The following DPP6 variants were observed in gnomAD, a reference collection of about 807,000 sequenced individuals.
DPP6 encodes dipeptidyl peptidase like 6, also known as A-type potassium channel modulatory protein DPP6.
A neutral mutation model predicts 122.6 loss-of-function variants in DPP6; 69 were observed. The observed-to-expected ratio is 0.56, with a 90% confidence interval of 0.46 to 0.69. DPP6 has a LOEUF of 0.69. Among genes scored for constraint, DPP6 ranks in the 30% least tolerant of loss-of-function variants. The pLI is 0.00. For synonymous variants in DPP6, 418 were observed against 433.1 expected (o/e 0.97, Z 0.43); for missense variants, 928 against 1,116.9 (o/e 0.83, Z 2.41).
At chr7:153,951,709 C>G (rs182055784) in intron 1 of DPP6, among the ~76,000 whole-genome samples, 4 of 152,232 alleles carry the variant, frequency 2.6e-5, no homozygotes, top group African/African-American at 7.2e-5. Flanking sequence ...GAAGTTTTCC[C>G]TTGCTTTCTT....
chr7:153,851,526 C>T, the DPP6 span, among the ~76,000 whole-genome samples: 1 of 152,084 alleles, frequency 6.6e-6, no homozygotes, highest in Non-Finnish European at 1.5e-5. Flanking sequence ...TGTACTTAAT[C>T]GGATATTTTT....
At chr7:153,914,706 C>G (rs1350087944) in intron 1 of DPP6, among the ~76,000 whole-genome samples, 1 of 152,140 alleles carries the variant, frequency 6.6e-6, no homozygotes, top group African/African-American at 2.4e-5. Context: ...GTAACTGATT[C>G]CTCTTCTTTA....
chr7:153,942,515 T>C (rs1474116935), intron 1 of DPP6, among the ~76,000 whole-genome samples: 1 of 152,152 alleles, frequency 6.6e-6, no homozygotes, highest in African/African-American at 2.4e-5. Context: ...AGGAGCTTCC[T>C]GAGGTGGAGA....
chr7:154,051,699 T>G (rs1410823090), upstream of DPP6, among the ~76,000 whole-genome samples: 4 of 149,558 alleles, frequency 2.7e-5, no homozygotes, highest in African/African-American at 5.0e-5. Flanking sequence ...GAGAATGGAG[T>G]CGCGGTCACA....
intron 7 of DPP6, among the ~76,000 whole-genome samples, chr7:154,696,291 G>A (rs982459817): frequency 6.6e-6 from 1 of 152,204 alleles, no homozygotes; most frequent in Non-Finnish European, 1.5e-5. Flanking sequence ...CTGGGGTGAT[G>A]AGGATTGAGG....
intron 16 of DPP6, among the ~76,000 whole-genome samples, chr7:154,841,070 G>T (rs967184109): frequency 6.6e-6 from 1 of 152,162 alleles, no homozygotes; most frequent in Non-Finnish European, 1.5e-5. Context: ...GAACTTAATT[G>T]CTCGGATCGA....
chr7:154,265,244 TTGA>T (rs1228696907), intron 1 of DPP6, among the ~76,000 whole-genome samples: 1 of 151,648 alleles, frequency 6.6e-6, no homozygotes, highest in Non-Finnish European at 1.5e-5. Flanking sequence ...AGTGATGATG[TTGA>T]TGGTGTTAAT....
chr7:154,308,981 C>T (rs948926298), intron 1 of DPP6, among the ~76,000 whole-genome samples: 7 of 152,174 alleles, frequency 4.6e-5, no homozygotes, highest in African/African-American at 1.2e-4. Flanking sequence ...AATGCACACA[C>T]GTGAACAGTC....
intron 1 of DPP6, among the ~76,000 whole-genome samples, chr7:154,380,381 G>A (rs539614349): frequency 6.6e-6 from 1 of 152,216 alleles, no homozygotes; most frequent in Non-Finnish European, 1.5e-5. Context: ...TGTGCATATA[G>A]AGGGAGAGAG....
At chr7:154,850,105 A>G (rs1255193194) in intron 16 of DPP6, among the ~76,000 whole-genome samples, 3 of 152,184 alleles carry the variant, frequency 2.0e-5, no homozygotes. Context: ...TAAGTTATTT[A>G]GTGGTGATTT....
intron 1 of DPP6, among the ~76,000 whole-genome samples, chr7:153,980,514 A>AT (rs1796530307): frequency 6.6e-6 from 1 of 151,236 alleles, no homozygotes; most frequent in East Asian, 1.9e-4. Flanking sequence ...GGATTCATTG[A>AT]TTTTTGAAGG....
intron 1 of DPP6, among the ~76,000 whole-genome samples, chr7:154,089,744 G>T (rs1238793285): frequency 6.9e-6 from 1 of 145,370 alleles, no homozygotes; most frequent in Non-Finnish European, 1.5e-5. Flanking sequence ...AAATCAGAAT[G>T]TGGTTATCTG....
chr7:153,825,554 T>C, the DPP6 span, among the ~76,000 whole-genome samples: 1 of 151,204 alleles, frequency 6.6e-6, no homozygotes, highest in Non-Finnish European at 1.5e-5. Context: ...TTTTTTTCTT[T>C]TGTTTTGTTT....
At chr7:154,009,395 G>T (rs977935290) in intron 1 of DPP6, among the ~76,000 whole-genome samples, 1 of 126,466 alleles carries the variant, frequency 7.9e-6, no homozygotes, top group Non-Finnish European at 1.6e-5. Context: ...CGCTCACCTT[G>T]ACCTGGTGAC....
the DPP6 span, among the ~76,000 whole-genome samples, chr7:153,802,871 A>C: frequency 6.6e-6 from 1 of 152,114 alleles, no homozygotes; most frequent in African/African-American, 2.4e-5. Flanking sequence ...ACTTTTCATC[A>C]CTGTGGTGGT....
the DPP6 span, among the ~76,000 whole-genome samples, chr7:153,830,939 G>A: frequency 6.6e-6 from 1 of 152,116 alleles, no homozygotes; most frequent in African/African-American, 2.4e-5. Flanking sequence ...GATTCACTTA[G>A]CGTCCATACA....
Position 154,584,889 on chromosome 7 carries a change from G to A in DPP6, c.627+17973G>A, listed in dbSNP as rs1410552548. Reference sequence around the variant, plus strand: ...ATGTCTTCCTGATTTCAATTTAAAAGCGTATCTTTATATAACATATACAAT... The same window carrying A: ...ATGTCTTCCTGATTTCAATTTAAAAACGTATCTTTATATAACATATACAAT... On this transcript the variant is annotated intron_variant, in intron 5 of 25. Coordinates refer to ENST00000377770, the MANE Select transcript of DPP6 (RefSeq NM_130797.4). Among the ~76,000 whole-genome samples, 4 of 152,290 alleles carry A rather than the reference G, an allele frequency of 2.6e-5. No homozygotes were observed. The East Asian group carries it at 7.7e-4, about 29-fold the overall frequency.
rs925652839 is a variant in DPP6, at chr7:154,741,272, T to C, written c.883+13385T>C. ...ACCTATCATCTGCAGCCATACAAGC[T>C]CATGATTCTGGGCACCCTGAGTCAA... On this transcript the variant is annotated intron_variant, in intron 8 of 25. Transcript: ENST00000377770. Among the ~76,000 whole-genome samples, 3 of 152,178 alleles carry C rather than the reference T, an allele frequency of 2.0e-5. No individual in the cohort carries two copies. In the South Asian group the frequency reaches 6.2e-4, roughly 32 times the overall value.
chr7:154,757,884 T>A (rs1282937306), intron 8 of DPP6, among the ~76,000 whole-genome samples: 1 of 152,098 alleles, frequency 6.6e-6, no homozygotes, highest in Non-Finnish European at 1.5e-5. Flanking sequence ...GAAGAAGGGG[T>A]GCAGACCAGG....
Sources: allele counts gnomAD v4.1 joint callset (sites outside exome capture counted in the v4.1 genomes callset), GRCh38; gene constraint gnomAD v4.1.1; transcripts MANE v1.5; gene names NCBI Gene and HGNC (gene_info 2026-07-23, HGNC 2026-07-21).